NCK1: variants seen among roughly 807,000 people sequenced by gnomAD.
NCK1 encodes SH2/SH3 adapter protein NCK1.
A neutral mutation model predicts 36.6 loss-of-function variants in NCK1; 19 were observed. The ratio of observed to expected loss-of-function variants is 0.52; its 90% confidence interval spans 0.36 to 0.76. The LOEUF is 0.76. Among genes scored for constraint, NCK1 ranks in the 30% least tolerant of loss-of-function variants. The pLI is 0.00. For missense variants in NCK1, 358 were observed against 445.6 expected (o/e 0.80, Z 1.77); for synonymous variants, 165 against 156.0 (o/e 1.06, Z -0.43).
intron 1 of NCK1, among the ~76,000 whole-genome samples, chr3:136,886,622 A>G (rs912561866): frequency 7.2e-5 from 11 of 152,134 alleles, no homozygotes; most frequent in Non-Finnish European, 7.4e-5. Flanking sequence ...CAACTGTACT[A>G]AGAAATTGCT....
chr3:136,903,223 CT>C lies in NCK1; in HGVS notation c.-18-24760del, dbSNP rs1241363238. 3.3e-5 allele frequency among the ~76,000 whole-genome samples: 5 copies of C among 152,142 alleles called. No homozygotes were observed. The East Asian group carries it at 9.7e-4, about 29-fold the overall frequency. ...TAATGACCTTCTTTGTCTCTTTTTA[CT>C]GTTTTTGACTTAAAGTTTGTTTTGT... On this transcript the variant is annotated intron_variant, in intron 1 of 3. Transcript: ENST00000481752.
At chr3:136,942,994 A>C (rs1344847403) in intron 2 of NCK1, among the ~76,000 whole-genome samples, 1 of 152,192 alleles carries the variant, frequency 6.6e-6, no homozygotes, top group Admixed American at 6.5e-5. Flanking sequence ...TTCCTCTGGC[A>C]TTAGGAGTGC....
At chr3:136,933,513 G>A (rs987264802) in intron 2 of NCK1, among the ~76,000 whole-genome samples, 2 of 152,066 alleles carry the variant, frequency 1.3e-5, no homozygotes, top group Non-Finnish European at 2.9e-5. Context: ...TATAGGAAAA[G>A]AGAAGTAAAG....
intron 1 of NCK1, among the ~76,000 whole-genome samples, chr3:136,920,824 C>T (rs1940090792): frequency 6.6e-6 from 1 of 152,060 alleles, no homozygotes; most frequent in South Asian, 2.1e-4. Context: ...CATGTAAGTA[C>T]ATTAATTGAT....
intron 2 of NCK1, among the ~76,000 whole-genome samples, chr3:136,943,644 T>G (rs1940733095): frequency 6.6e-6 from 1 of 152,254 alleles, no homozygotes; most frequent in Admixed American, 6.5e-5. Context: ...ATACATAATT[T>G]TGTTTTTCCT....
chr3:136,871,545 G>A (rs556122812), intron 1 of NCK1, among the ~76,000 whole-genome samples: 5 of 152,204 alleles, frequency 3.3e-5, no homozygotes, highest in Non-Finnish European at 5.9e-5. Flanking sequence ...TTTAGTGTTC[G>A]AAAAGGCTCT....
chr3:136,928,331 G>A, intron 2 of NCK1, 104 bp downstream of exon 2: 3 of 1,127,418 alleles, frequency 2.7e-6, no homozygotes, highest in Non-Finnish European at 2.5e-6. Context: ...GACTTGAAAA[G>A]GCAAGGGCTA....
chr3:136,921,950 A>G (rs1486168614), intron 1 of NCK1, among the ~76,000 whole-genome samples: 1 of 151,992 alleles, frequency 6.6e-6, no homozygotes, highest in Non-Finnish European at 1.5e-5. Flanking sequence ...CGCCCAGCTA[A>G]TTTTATTGTA....
At chr3:136,934,527 C>A (rs900689813) in intron 2 of NCK1, among the ~76,000 whole-genome samples, 1 of 152,124 alleles carries the variant, frequency 6.6e-6, no homozygotes, top group East Asian at 1.9e-4. Flanking sequence ...CTCATGTGAT[C>A]CATCCGCCTC....
chr3:136,903,456 C>T (rs1322963776), intron 1 of NCK1, among the ~76,000 whole-genome samples: 1 of 152,186 alleles, frequency 6.6e-6, no homozygotes, highest in African/African-American at 2.4e-5. Flanking sequence ...TGGAGTTTTG[C>T]TCTTGTTGCC....
chr3:136,867,065 TTTC>T (rs1406248734), intron 1 of NCK1, among the ~76,000 whole-genome samples: 8 of 252 alleles, frequency 0.032, 1 homozygote, highest in African/African-American at 0.048. Flanking sequence ...TCTTTCTTTC[TTTC>T]TTTCTTTCTT....
At chr3:136,870,610 C>T (rs900887814) in intron 1 of NCK1, among the ~76,000 whole-genome samples, 5 of 151,058 alleles carry the variant, frequency 3.3e-5, no homozygotes, top group African/African-American at 2.4e-5. Flanking sequence ...AGTGTACAAC[C>T]CCTGTCTCCC....
intron 1 of NCK1, among the ~76,000 whole-genome samples, chr3:136,927,664 G>C (rs1299793456): frequency 6.6e-6 from 1 of 152,062 alleles, no homozygotes; most frequent in Admixed American, 6.5e-5. Context: ...TGGGACTACG[G>C]GTGTGCACCA....
intron 1 of NCK1, among the ~76,000 whole-genome samples, chr3:136,865,284 C>A (rs1938381716): frequency 6.6e-6 from 1 of 152,096 alleles, no homozygotes; most frequent in Non-Finnish European, 1.5e-5. Flanking sequence ...GGAGTTTCAC[C>A]ATGTTGGCAA....
chr3:136,912,319 C>A (rs1012698152), intron 1 of NCK1, among the ~76,000 whole-genome samples: 1 of 151,878 alleles, frequency 6.6e-6, no homozygotes, highest in Admixed American at 6.6e-5. Flanking sequence ...CATGCCACCA[C>A]GCCTGGCTGA....
intron 1 of NCK1, among the ~76,000 whole-genome samples, chr3:136,882,112 AGCAG>A (rs1938957629): frequency 6.6e-6 from 1 of 152,184 alleles, no homozygotes; most frequent in Non-Finnish European, 1.5e-5. Context: ...CATTTTCCAT[AGCAG>A]CTGCACCATT....
At chr3:136,927,254 G>A (rs1350055531) in intron 1 of NCK1, among the ~76,000 whole-genome samples, 1 of 152,198 alleles carries the variant, frequency 6.6e-6, no homozygotes, top group African/African-American at 2.4e-5. Context: ...TTACAGGTGT[G>A]TGCCACCAGG....
chr3:136,895,556 T>C (rs1435886763), intron 1 of NCK1, among the ~76,000 whole-genome samples: 3 of 152,114 alleles, frequency 2.0e-5, no homozygotes, highest in Non-Finnish European at 4.4e-5. Context: ...ATGTTGTTTT[T>C]ATTTTATTTT....
intron 3 of NCK1, 38 bp from the exon 4 acceptor site, chr3:136,948,221 A>G: frequency 6.7e-7 from 1 of 1,489,794 alleles, no homozygotes; most frequent in Non-Finnish European, 9.0e-7. Context: ...GAGGGCTTTC[A>G]AAATGTTTAC....
Sources: gnomAD v4.1 joint callset for allele counts (sites outside exome capture counted in the v4.1 genomes callset) on GRCh38, gnomAD v4.1.1 for gene constraint, MANE v1.5 for transcripts, NCBI Gene and HGNC (gene_info 2026-07-23, HGNC 2026-07-21) for gene names.